The following BRWD1 variants were observed in gnomAD, a reference collection of about 807,000 sequenced individuals.
BRWD1 encodes the protein bromodomain and WD repeat domain containing 1.
A neutral mutation model predicts 251.2 loss-of-function variants in BRWD1; 82 were observed. The observed-to-expected ratio is 0.33, with a 90% CI of 0.27 to 0.39. BRWD1 has a LOEUF of 0.39. Ranked by LOEUF, BRWD1 falls within the 10% of genes least tolerant of loss-of-function variation. The probability of loss-of-function intolerance (pLI) is 1.00; values close to 1 mark genes in which losing one functional copy is unlikely to be tolerated. For synonymous variants in BRWD1, 918 were observed against 902.8 expected (o/e 1.02, Z -0.30); for missense variants, 2,233 against 2,711.6 (o/e 0.82, Z 3.92).
chr21:39,209,092 G>A (rs2032542075), intron 36 of BRWD1, among the ~76,000 whole-genome samples: 1 of 151,882 alleles, frequency 6.6e-6, no homozygotes, highest in South Asian at 2.1e-4. Flanking sequence ...TGGCCAAGTG[G>A]AGTCTGCAAA....
At chr21:39,282,856 G>A (rs1568949691) in intron 8 of BRWD1, among the ~76,000 whole-genome samples, 4 of 151,896 alleles carry the variant, frequency 2.6e-5, no homozygotes, top group Admixed American at 1.3e-4. Context: ...CTACTCGGGA[G>A]GCTGAGGCAG....
intron 21 of BRWD1, among the ~76,000 whole-genome samples, chr21:39,242,439 G>A (rs1177808364): frequency 6.6e-6 from 1 of 152,226 alleles, no homozygotes; most frequent in Non-Finnish European, 1.5e-5. Flanking sequence ...GTTGGTTCAT[G>A]AGGTTTAGGG....
chr21:39,320,253 TATAGAGACCCTCTCTTTGCAC>T (rs966314916), intron 1 of BRWD1, among the ~76,000 whole-genome samples: 3 of 152,208 alleles, frequency 2.0e-5, no homozygotes, highest in Admixed American at 6.5e-5. Context: ...TTTGTGTGCA[TATAGAGACCCTCTCTTTGCAC>T]ATAGAGACCC....
intron 20 of BRWD1, among the ~76,000 whole-genome samples, chr21:39,248,823 A>G (rs2034297350): frequency 6.6e-6 from 1 of 152,070 alleles, no homozygotes; most frequent in African/African-American, 2.4e-5. Context: ...AAGAACTTAA[A>G]ACAGAATTAC....
Position 39,236,659 on chromosome 21 carries a change from G to A in BRWD1, c.2702C>T (p.Thr901Ile). 2 of 1,613,750 alleles carry A rather than the reference G, an allele frequency of 1.2e-6. No homozygotes were observed. Among genetic ancestry groups the A allele is most frequent in the South Asian group, 1.1e-5 (1 of 91,018 alleles). The change falls in exon 23 of 41, where the codon ACT (threonine) becomes ATT (isoleucine). Residue 901 changes from threonine (T) to isoleucine (I), a missense_variant. Thr to Ile is a moderately conservative substitution (Grantham distance 89, BLOSUM62 -1). Transcript: ENST00000342449. ...TCTTTTTGGAGGAGATAAATTCTCA[G>A]TAGATATTTCATCTTCTGAACTACT... ...FCSSSEDEIS[T>I]ENLSPPKRRR...
intron 3 of BRWD1, 72 bp from the exon 4 acceptor site, chr21:39,312,972 GGCGGGCGGCGGGCGGCGGGCGGGGGGC>G: frequency 1.8e-6 from 1 of 540,564 alleles, no homozygotes; most frequent in East Asian, 7.3e-5. Context: ...GGGGGCCGGG[GGCGGGCGGCGGGCGGCGGGCGGGGGGC>G]GCGGGCGAGC....
intron 8 of BRWD1, 102 bp downstream of exon 8, chr21:39,293,709 A>C: frequency 1.2e-6 from 1 of 855,006 alleles, no homozygotes; most frequent in Non-Finnish European, 1.8e-6. Flanking sequence ...TACTTAAAAC[A>C]TAACTAATAC....
chr21:39,263,453 G>C (rs1203428984), intron 17 of BRWD1, among the ~76,000 whole-genome samples: 1 of 152,142 alleles, frequency 6.6e-6, no homozygotes, highest in Non-Finnish European at 1.5e-5. Flanking sequence ...AGGACTTGGG[G>C]AAGGACAGCT....
intron 17 of BRWD1, among the ~76,000 whole-genome samples, chr21:39,263,122 A>G (rs1356257837): frequency 2.0e-5 from 3 of 152,190 alleles, no homozygotes; most frequent in Non-Finnish European, 4.4e-5. Flanking sequence ...AAACACACAT[A>G]CACTTGAATT....
At chr21:39,299,368 C>G (rs1449197335) in intron 4 of BRWD1, among the ~76,000 whole-genome samples, 1 of 151,900 alleles carries the variant, frequency 6.6e-6, no homozygotes, top group Non-Finnish European at 1.5e-5. Flanking sequence ...TCATGGATAA[C>G]TGGTTCTCAA....
At chr21:39,259,102 A>T (rs1239201993) in intron 17 of BRWD1, among the ~76,000 whole-genome samples, 1 of 152,164 alleles carries the variant, frequency 6.6e-6, no homozygotes, top group African/African-American at 2.4e-5. Context: ...TCTATGTCTT[A>T]AGAAAGGGGA....
chr21:39,309,774 G>A (rs544529277), intron 4 of BRWD1, among the ~76,000 whole-genome samples: 5 of 145,072 alleles, frequency 3.4e-5, no homozygotes, highest in South Asian at 2.2e-4. Context: ...GCAGTGAGCC[G>A]AGATCGCACC....
In BRWD1 at chr21:39,185,846, A is replaced by T. The variant is rs2031202120; in HGVS notation, c.*10413T>A. 1 of 152,182 alleles carries T rather than the reference A, an allele frequency of 6.6e-6. No homozygotes were observed. Among genetic ancestry groups the T allele is most frequent in the Non-Finnish European group, 1.5e-5 (1 of 68,002 alleles). 9.4% of individuals were successfully genotyped at this position (152,182 alleles called of 1,614,324 possible). Reference sequence around the variant, plus strand: ...GAAAACAACTTACTTTCAACAACTTAATTTTTCCAGTAACACGTTACTATG... The same window carrying T: ...GAAAACAACTTACTTTCAACAACTTTATTTTTCCAGTAACACGTTACTATG... On this transcript the variant is annotated 3_prime_UTR_variant, in exon 41 of 41. Coordinates refer to ENST00000342449, the MANE Select transcript of BRWD1 (RefSeq NM_033656.4).
chr21:39,300,659 C>G (rs1260907395), intron 4 of BRWD1, among the ~76,000 whole-genome samples: 1 of 152,152 alleles, frequency 6.6e-6, no homozygotes, highest in African/African-American at 2.4e-5. Context: ...AGCCTCTACT[C>G]TTTACACAAA....
chr21:39,267,219 G>A (rs575529052), intron 15 of BRWD1, among the ~76,000 whole-genome samples: 1 of 146,836 alleles, frequency 6.8e-6, no homozygotes, highest in Non-Finnish European at 1.5e-5. Flanking sequence ...CTAAGAACCT[G>A]AGAATCAAAG....
intron 32 of BRWD1, 28 bp downstream of exon 32, chr21:39,215,209 T>C: frequency 2.5e-6 from 4 of 1,605,226 alleles, no homozygotes; most frequent in Non-Finnish European, 2.6e-6. Context: ...TGCAGTCACT[T>C]TTACACAACA....
upstream of BRWD1, among the ~76,000 whole-genome samples, chr21:39,316,572 C>T (rs1291142172): frequency 2.0e-5 from 3 of 152,174 alleles, no homozygotes; most frequent in Non-Finnish European, 4.4e-5. Flanking sequence ...GAATTTATAT[C>T]CCAAGCTCTG....
At chr21:39,228,961 G>C (rs2146543531) in intron 26 of BRWD1, among the ~76,000 whole-genome samples, 1 of 152,304 alleles carries the variant, frequency 6.6e-6, no homozygotes, top group East Asian at 1.9e-4. Flanking sequence ...CATGTGACTA[G>C]TGGTAACCTT....
intron 8 of BRWD1, among the ~76,000 whole-genome samples, chr21:39,285,090 GAAT>G: frequency 6.6e-6 from 1 of 152,122 alleles, no homozygotes; most frequent in Admixed American, 6.6e-5. Context: ...ATCTACAGAT[GAAT>G]GAACAAAGAA....
Sources: gnomAD v4.1 joint callset for allele counts (sites outside exome capture counted in the v4.1 genomes callset) on GRCh38, gnomAD v4.1.1 for gene constraint, MANE v1.5 for transcripts, NCBI Gene and HGNC (gene_info 2026-07-23, HGNC 2026-07-21) for gene names.